GALNT13: variants seen among roughly 807,000 people sequenced by gnomAD.
GALNT13 encodes the protein UDP-GalNAc:polypeptide N-acetylgalactosaminyltransferase 13.
A neutral mutation model predicts 64.2 loss-of-function variants in GALNT13; 28 were observed. The ratio of observed to expected loss-of-function variants is 0.44; its 90% CI spans 0.32 to 0.60. GALNT13 has a LOEUF of 0.60. GALNT13 is among the 20% of genes least tolerant of loss of function. The pLI is 0.05. For synonymous variants in GALNT13, 214 were observed against 224.6 expected (o/e 0.95, Z 0.42); for missense variants, 577 against 669.8 (o/e 0.86, Z 1.53).
At chr2:154,206,901 A>T (rs764383536) in intron 4 of GALNT13, among the ~76,000 whole-genome samples, 3 of 152,032 alleles carry the variant, frequency 2.0e-5, no homozygotes, top group Non-Finnish European at 4.4e-5. Flanking sequence ...ATCAGCAATC[A>T]GGATTTATTT....
At chr2:153,592,215 A>T in the GALNT13 span, among the ~76,000 whole-genome samples, 1 of 152,164 alleles carries the variant, frequency 6.6e-6, no homozygotes, top group Non-Finnish European at 1.5e-5. Flanking sequence ...GTGAAAAGGG[A>T]ACTCTCATAT....
At chr2:154,379,420 T>G (rs930219415) in intron 9 of GALNT13, among the ~76,000 whole-genome samples, 2 of 152,076 alleles carry the variant, frequency 1.3e-5, no homozygotes, top group Non-Finnish European at 2.9e-5. Flanking sequence ...TATGAAGCTG[T>G]GAATGAAAAT....
At chr2:154,095,953 A>C (rs1055103676) in intron 3 of GALNT13, among the ~76,000 whole-genome samples, 2 of 152,014 alleles carry the variant, frequency 1.3e-5, no homozygotes, top group African/African-American at 4.8e-5. Flanking sequence ...TCTATAAAAC[A>C]TGGTCTTGTG....
intron 2 of GALNT13, among the ~76,000 whole-genome samples, chr2:153,902,481 G>A (rs892289039): frequency 6.6e-6 from 1 of 152,018 alleles, no homozygotes; most frequent in Non-Finnish European, 1.5e-5. Context: ...ATTAGTTTGA[G>A]GAAACTATTT....
chr2:153,900,910 CTT>C (rs1034135735), intron 1 of GALNT13, 24 bp from the exon 2 acceptor site: 2 of 152,064 alleles, frequency 1.3e-5, no homozygotes, highest in African/African-American at 4.8e-5. Flanking sequence ...ATTGTTTACT[CTT>C]TTGGATTTTT....
At chr2:153,090,601 GA>G in the GALNT13 span, among the ~76,000 whole-genome samples, 1 of 151,930 alleles carries the variant, frequency 6.6e-6, no homozygotes. Flanking sequence ...GTGCTTTCAA[GA>G]GAGTACGAAC....
chr2:153,256,741 G>T, the GALNT13 span, among the ~76,000 whole-genome samples: 1 of 152,146 alleles, frequency 6.6e-6, no homozygotes, highest in East Asian at 1.9e-4. Context: ...CCTGCTGGGG[G>T]GTGCCTCCCA....
the GALNT13 span, among the ~76,000 whole-genome samples, chr2:153,583,323 G>A: frequency 6.6e-6 from 1 of 152,278 alleles, no homozygotes; most frequent in South Asian, 2.1e-4. Flanking sequence ...GAAGGACATG[G>A]TTTTCTTTTC....
At chr2:154,057,303 A>G (rs1277341904) in intron 3 of GALNT13, among the ~76,000 whole-genome samples, 1 of 152,206 alleles carries the variant, frequency 6.6e-6, no homozygotes, top group Non-Finnish European at 1.5e-5. Flanking sequence ...TGGTGGGCTT[A>G]TAGGTGCGAG....
chr2:153,584,468 T>G, the GALNT13 span, among the ~76,000 whole-genome samples: 2,755 of 152,248 alleles, frequency 0.018, 84 homozygotes, highest in African/African-American at 0.064. Flanking sequence ...ACACAGCCAC[T>G]TGCAACCATT....
At chr2:154,410,618 T>C (rs146186802) in intron 11 of GALNT13, among the ~76,000 whole-genome samples, 1 of 151,976 alleles carries the variant, frequency 6.6e-6, no homozygotes, top group African/African-American at 2.4e-5. Context: ...TGGACATCCC[T>C]AGTACAACAA....
intron 3 of GALNT13, among the ~76,000 whole-genome samples, chr2:153,985,966 C>T (rs1694769919): frequency 6.6e-6 from 1 of 151,996 alleles, no homozygotes; most frequent in Non-Finnish European, 1.5e-5. Context: ...CACTTTTGTC[C>T]TTTTGTGGTA....
At chr2:153,244,776 C>G in the GALNT13 span, among the ~76,000 whole-genome samples, 1 of 152,188 alleles carries the variant, frequency 6.6e-6, no homozygotes, top group South Asian at 2.1e-4. Flanking sequence ...CCCAGCAAGA[C>G]AGAACTGTTC....
intron 3 of GALNT13, among the ~76,000 whole-genome samples, chr2:153,990,672 G>T (rs906647828): frequency 3.3e-5 from 5 of 152,062 alleles, no homozygotes; most frequent in Admixed American, 6.6e-5. Flanking sequence ...CAAAAGAGTA[G>T]GTTTGAGAAT....
the GALNT13 span, among the ~76,000 whole-genome samples, chr2:153,441,075 T>C: frequency 6.6e-6 from 1 of 152,274 alleles, no homozygotes; most frequent in East Asian, 1.9e-4. Flanking sequence ...GTTTTTATGG[T>C]TTTAGGTTTT....
chr2:154,441,108 A>G (rs1387664878), intron 12 of GALNT13, among the ~76,000 whole-genome samples: 1 of 152,112 alleles, frequency 6.6e-6, no homozygotes, highest in Non-Finnish European at 1.5e-5. Flanking sequence ...CCGATCATTC[A>G]TATACATATT....
chr2:154,416,201 A>C (rs867207738), intron 11 of GALNT13, among the ~76,000 whole-genome samples: 1 of 152,132 alleles, frequency 6.6e-6, no homozygotes, highest in African/African-American at 2.4e-5. Flanking sequence ...TAAACATACA[A>C]TAAACTGGGT....
chr2:153,852,507 T>C, the GALNT13 span, among the ~76,000 whole-genome samples: 4 of 152,182 alleles, frequency 2.6e-5, no homozygotes, highest in African/African-American at 9.7e-5. Flanking sequence ...TCAAAATATA[T>C]AAAGCAAAAA....
chr2:153,196,532 C>T, the GALNT13 span, among the ~76,000 whole-genome samples: 43 of 152,116 alleles, frequency 2.8e-4, no homozygotes, highest in African/African-American at 9.6e-4. Context: ...GCAAAGGGCC[C>T]TTCCTGGGCC....
Sources: gnomAD v4.1 joint callset for allele counts (sites outside exome capture counted in the v4.1 genomes callset) on GRCh38, gnomAD v4.1.1 for gene constraint, MANE v1.5 for transcripts, NCBI Gene and HGNC (gene_info 2026-07-23, HGNC 2026-07-21) for gene names.